Variants in CDK14 observed in about 807,000 individuals in gnomAD.
CDK14 encodes cyclin dependent kinase 14, also known as cyclin-dependent kinase 14.
A neutral mutation model predicts 60.7 loss-of-function variants in CDK14; 34 were observed. The observed-to-expected ratio is 0.56, with a 90% CI of 0.43 to 0.75. CDK14 has a LOEUF of 0.75. Ranked by LOEUF, CDK14 falls within the 30% of genes least tolerant of loss-of-function variation. The probability of loss-of-function intolerance (pLI) is 0.00; values close to 1 mark genes in which losing one functional copy is unlikely to be tolerated. For missense variants in CDK14, 482 were observed against 564.1 expected, an observed-to-expected ratio of 0.85 and a Z score of 1.47; for synonymous variants, 197 against 203.7, an observed-to-expected ratio of 0.97 and a Z score of 0.28.
intron 7 of CDK14, among the ~76,000 whole-genome samples, chr7:90,914,956 A>C (rs927912354): frequency 6.6e-6 from 1 of 152,200 alleles, no homozygotes; most frequent in African/African-American, 2.4e-5. Flanking sequence ...AGCTTAGATA[A>C]GTATCATACT....
At chr7:90,715,359 G>A (rs185359784) in intron 2 of CDK14, among the ~76,000 whole-genome samples, 32 of 152,136 alleles carry the variant, frequency 2.1e-4, no homozygotes, top group Non-Finnish European at 3.8e-4. Flanking sequence ...GGTAGAAAGC[G>A]TCCTGGACCA....
chr7:90,791,015 A>T (rs1805808406), intron 5 of CDK14, among the ~76,000 whole-genome samples: 1 of 152,056 alleles, frequency 6.6e-6, no homozygotes, highest in Non-Finnish European at 1.5e-5. Context: ...AAAAATGGGG[A>T]TTTGTCATGC....
At chr7:90,706,820 G>A (rs1017784404) in intron 2 of CDK14, among the ~76,000 whole-genome samples, 2 of 152,178 alleles carry the variant, frequency 1.3e-5, no homozygotes, top group African/African-American at 4.8e-5. Context: ...TGGTCAGTGG[G>A]TGCCTAGGGT....
At chr7:91,051,184 C>T (rs1170013434) in intron 11 of CDK14, among the ~76,000 whole-genome samples, 1 of 152,160 alleles carries the variant, frequency 6.6e-6, no homozygotes, top group East Asian at 1.9e-4. Context: ...CAAGAACTCA[C>T]TCATTATCCT....
intron 2 of CDK14, among the ~76,000 whole-genome samples, chr7:90,683,110 C>T (rs1224335232): frequency 6.6e-6 from 1 of 152,106 alleles, no homozygotes; most frequent in African/African-American, 2.4e-5. Context: ...AATATTTCCC[C>T]TAGAGTTAGC....
intron 10 of CDK14, 99 bp downstream of exon 10, chr7:90,984,340 A>T (rs1340706998): frequency 3.8e-6 from 3 of 782,496 alleles, no homozygotes; most frequent in Non-Finnish European, 6.6e-6. Context: ...TTTAAAACAA[A>T]ATTTGTTGTC....
intron 5 of CDK14, among the ~76,000 whole-genome samples, chr7:90,811,279 A>G (rs1445750868): frequency 1.3e-5 from 2 of 152,186 alleles, no homozygotes; most frequent in East Asian, 1.9e-4. Context: ...ATATAGACCA[A>G]TGGAACAGAA....
At chr7:90,598,367 T>C (rs1799239510) in intron 1 of CDK14, among the ~76,000 whole-genome samples, 1 of 152,234 alleles carries the variant, frequency 6.6e-6, no homozygotes, top group African/African-American at 2.4e-5. Flanking sequence ...TTTTCTAGCT[T>C]ACTGAGATTT....
At position 90,874,503 on chromosome 7, in the gene CDK14, C is replaced by CTTTTTTTTTT. The variant is rs747439482; in HGVS notation, c.639+11261_639+11270dup. Among the ~76,000 whole-genome samples the CTTTTTTTTTT allele has an allele frequency of 3.1e-4, 15 of 48,008 alleles. 4 individuals carry two copies. The highest frequency in any genetic ancestry group is 1.2e-3 in the East Asian group (1 of 834). 31.5% of individuals were successfully genotyped at this position (48,008 alleles called of 152,430 possible). A position where few individuals can be genotyped will look rare whatever the true frequency, so the allele number is the denominator to read the frequency against. On this transcript the variant is annotated intron_variant, in intron 6 of 14. Transcript: ENST00000380050. The stretch of plus-strand genomic sequence containing the variant: ...ATCTGGAATCTCATGTCCTTTCATC[C>CTTTTTTTTTT]TTTTTTTTTTTTTTTTTTTTTTTTT...
chr7:90,610,646 C>A lies in CDK14; in HGVS notation c.123+6397C>A, dbSNP rs1165415602. ...TTTCAGAGGACTGTTAGAGAAGGCT[C>A]CATTCCAGGCCTCTCCCCTTAGCTC... On this transcript the variant is annotated intron_variant, in intron 2 of 14. Coordinates refer to ENST00000380050, the MANE Select transcript of CDK14 (RefSeq NM_001287135.2). Among the ~76,000 whole-genome samples, 7 of 152,314 alleles carry A rather than the reference C, an allele frequency of 4.6e-5. No individual in the cohort carries two copies. In the South Asian group the frequency reaches 6.2e-4, roughly 14 times the overall value.
intron 2 of CDK14, among the ~76,000 whole-genome samples, chr7:90,724,315 T>C (rs1030743189): frequency 7.9e-5 from 12 of 152,056 alleles, no homozygotes; most frequent in African/African-American, 2.9e-4. Context: ...TCTACTTTTT[T>C]TTCCCCTTAT....
chr7:90,659,897 G>A (rs998515276), intron 2 of CDK14, among the ~76,000 whole-genome samples: 1 of 148,810 alleles, frequency 6.7e-6, no homozygotes, highest in Non-Finnish European at 1.5e-5. Flanking sequence ...GTGTGTGTGT[G>A]TGTGCACGCA....
At chr7:91,012,904 G>A (rs720210) in intron 10 of CDK14, among the ~76,000 whole-genome samples, 22,741 of 152,176 alleles carry the variant, frequency 0.15, 1,935 homozygotes, top group Middle Eastern at 0.31. Flanking sequence ...TTGAGAGGGC[G>A]TAACGTTAAG....
At chr7:90,849,676 G>A (rs1790583966) in intron 5 of CDK14, among the ~76,000 whole-genome samples, 1 of 151,926 alleles carries the variant, frequency 6.6e-6, no homozygotes, top group Non-Finnish European at 1.5e-5. Context: ...AGCACAGGAT[G>A]GCAGAGGTTC....
chr7:90,911,907 C>T (rs1725458177), intron 7 of CDK14, among the ~76,000 whole-genome samples: 1 of 152,060 alleles, frequency 6.6e-6, no homozygotes, highest in Admixed American at 6.6e-5. Flanking sequence ...GGGATACTCC[C>T]AAGAAGTATA....
At chr7:91,092,086 T>C (rs990410540) in intron 12 of CDK14, among the ~76,000 whole-genome samples, 1 of 152,172 alleles carries the variant, frequency 6.6e-6, no homozygotes, top group African/African-American at 2.4e-5. Flanking sequence ...AAAATGCTGA[T>C]CAAAAAGATA....
chr7:90,966,435 C>T (rs182311781), intron 9 of CDK14, among the ~76,000 whole-genome samples: 180 of 152,288 alleles, frequency 1.2e-3, no homozygotes, highest in African/African-American at 3.9e-3. Flanking sequence ...TTGGGAGATC[C>T]TCAGATGTCA....
At chr7:91,196,345 G>A (rs1413455094) in intron 14 of CDK14, among the ~76,000 whole-genome samples, 1 of 151,590 alleles carries the variant, frequency 6.6e-6, no homozygotes, top group Non-Finnish European at 1.5e-5. Context: ...CTTGAGGCAG[G>A]TCAAGCCAGT....
chr7:91,070,925 A>G (rs934823348), intron 11 of CDK14, among the ~76,000 whole-genome samples: 1 of 152,194 alleles, frequency 6.6e-6, no homozygotes, highest in African/African-American at 2.4e-5. Flanking sequence ...GATAAGTATT[A>G]AAGAGTCCAG....
Sources: gnomAD v4.1 joint callset for allele counts (sites outside exome capture counted in the v4.1 genomes callset) on GRCh38, gnomAD v4.1.1 for gene constraint, MANE v1.5 for transcripts, NCBI Gene and HGNC (gene_info 2026-07-23, HGNC 2026-07-21) for gene names.